Variants in LILRB5 observed in about 807,000 individuals in gnomAD.
The protein encoded by LILRB5 is leukocyte immunoglobulin like receptor B5, also known as leukocyte immunoglobulin-like receptor subfamily B member 5.
LILRB5 carries 61 observed loss-of-function variants against 68.4 expected under a neutral mutation model. That is an observed-to-expected ratio of 0.89 (90% confidence interval 0.73 to 1.10). The LOEUF (loss-of-function observed/expected upper bound fraction) is 1.10. LILRB5 is among the 50% of genes least tolerant of loss of function. LILRB5 has a pLI of 0.00. For synonymous variants in LILRB5, 356 were observed against 315.8 expected, an observed-to-expected ratio of 1.13 and a Z score of -1.35; for missense variants, 771 against 751.6, an observed-to-expected ratio of 1.03 and a Z score of -0.30.
At chr19:54,253,898 G>T in intron 8 of LILRB5, 120 bp downstream of exon 8, 2 of 1,537,574 alleles carry the variant, frequency 1.3e-6, no homozygotes, top group Non-Finnish European at 1.8e-6. Flanking sequence ...AGAAACTGAG[G>T]CCCAGGCAGG....
chr19:54,256,343 C>A lies in LILRB5; in HGVS notation c.356-1G>T. 3.7e-6 allele frequency: 6 copies of A among 1,600,724 alleles called. No individual in the cohort carries two copies. Among genetic ancestry groups the A allele is most frequent in the Admixed American group, 1.7e-5 (1 of 58,702 alleles). On this transcript the variant is annotated splice_acceptor_variant, in intron 3 of 12. Coordinates refer to ENST00000449561, the MANE Select transcript of LILRB5 (RefSeq NM_001081442.3). LOFTEE classifies it high-confidence loss of function. ...AAAAGAGTGGGTTCTGCATAGAATC[C>A]TAGCAGAGAAGGAGGCACGTCTTAA...
At position 54,256,721 on chromosome 19, in the gene LILRB5, C is replaced by T. The variant is rs1351622787; in HGVS notation, c.123G>A (p.Arg41=). ...GACACCAGAGGGTCACGGGCTTCCCCCGAGCTATCACAGAGGCTGGCTCAG... is the reference window on the plus strand; with the variant it reads ...GACACCAGAGGGTCACGGGCTTCCCTCGAGCTATCACAGAGGCTGGCTCAG... ...LWAEPASVIA[R]GKPVTLWCQG... is the part of the protein sequence containing the mutation. The change falls in exon 3 of 13, where the codon CGG becomes CGA. Residue 41 remains arginine, a synonymous_variant. Transcript: ENST00000449561. 3 of 1,614,160 alleles carry T rather than the reference C, an allele frequency of 1.9e-6. No individual in the cohort carries two copies. The highest frequency in any genetic ancestry group is 2.5e-6 in the Non-Finnish European group (3 of 1,180,014).
In LILRB5 at chr19:54,254,772, C is replaced by T. The variant is rs928510974; in HGVS notation, c.1218G>A (p.Leu406=). The T allele has an allele frequency of 1.2e-6, 2 of 1,614,126 alleles. No homozygotes were observed. The highest frequency in any genetic ancestry group is 1.7e-6 in the Non-Finnish European group (2 of 1,179,996). Residue 406 remains leucine (L), a synonymous_variant, in exon 6 of 13, where the codon CTG becomes CTA. Coordinates refer to ENST00000449561, the MANE Select transcript of LILRB5 (RefSeq NM_001081442.3). ...GCTCCTGGGGGTAACTAGGGCTGGA[C>T]AGCAGGTAGGGGTAGGACCTGATTG... is the stretch of plus-strand genomic sequence containing the variant. ...YSAIRSYPYL[L]SSPSYPQELV...
chr19:54,251,071 A>G lies in LILRB5; in HGVS notation c.1630-139T>C, dbSNP rs749776011. The G allele has an allele frequency of 4.0e-4, 609 of 1,541,542 alleles. 1 individual carries two copies. Among genetic ancestry groups the G allele is most frequent in the Admixed American group, 1.9e-3 (115 of 59,258 alleles). ...TGTCCTTTGTGTCCAGGAATTCCCC[A>G]GACAGTGGGGAAGGAGGAGAGGCCA... On this transcript the variant is annotated intron_variant, in intron 12 of 12. Coordinates refer to ENST00000449561, the MANE Select transcript of LILRB5 (RefSeq NM_001081442.3).
Position 54,254,992 on chromosome 19 carries a change from T to C in LILRB5, c.998A>G (p.Lys333Arg), listed in dbSNP as rs202075358. Residue 333 changes from lysine to arginine, a missense_variant, in exon 6 of 13, where the codon AAG becomes AGG. Lys to Arg is a conservative substitution (Grantham distance 26). Transcript: ENST00000449561. ...GGTCACGTTCTCTCCTGAGGCCACC[T>C]TGGGGCCCGGCTGCACCGAGAGGGC... ...IPALSVQPGP[K>R]VASGENVTLL... is the part of the protein sequence containing the mutation. 2.7e-5 allele frequency: 43 copies of C among 1,612,352 alleles called. No individual in the cohort carries two copies. In the East Asian group the frequency reaches 9.2e-4, roughly 34 times the overall value.
intron 6 of LILRB5, 146 bp from the exon 7 acceptor site, chr19:54,254,561 T>G: frequency 8.0e-7 from 1 of 1,255,038 alleles, no homozygotes; most frequent in South Asian, 1.4e-5. Context: ...AGTGTGGGCA[T>G]GCCTGGGGAG....
Position 54,256,559 on chromosome 19 carries a change from T to A in LILRB5, c.285A>T (p.Arg95=). The change falls in exon 3 of 13, where the codon CGA becomes CGT. Residue 95 remains arginine (R), a synonymous_variant. Transcript: ENST00000449561. Reference sequence around the variant, plus strand: ...CAGGGGTCTCATAGTAGCAGCGGTATCGCCCTGCACTGTCATACACCGTGG... The same window carrying A: ...CAGGGGTCTCATAGTAGCAGCGGTAACGCCCTGCACTGTCATACACCGTGG... ...IPSTVYDSAG[R]YRCYYETPAG... 6.2e-7 allele frequency: 1 copy of A among 1,614,136 alleles called. No individual in the cohort carries two copies. Among genetic ancestry groups the A allele is most frequent in the Non-Finnish European group, 8.5e-7 (1 of 1,179,994 alleles).
chr19:54,253,291 C>T, intron 8 of LILRB5: 1 of 214,654 alleles, frequency 4.7e-6, no homozygotes, highest in South Asian at 6.1e-5. Context: ...ACAGGAGGGG[C>T]CTGTCCTAGT....
Position 54,257,194 on chromosome 19 carries a change from G to A in LILRB5, c.-1C>T. On this transcript the variant is annotated 5_prime_UTR_variant, in exon 1 of 13. Transcript: ENST00000449561. ...TCAGGACTGAGAGGGTGAGGGTCATGGCGTCAGCTCCCACTGGACTCAGCT... is the reference window on the plus strand; with the variant it reads ...TCAGGACTGAGAGGGTGAGGGTCATAGCGTCAGCTCCCACTGGACTCAGCT... 6.2e-7 allele frequency: 1 copy of A among 1,614,210 alleles called. No homozygotes were observed. The highest frequency in any genetic ancestry group is 8.5e-7 in the Non-Finnish European group (1 of 1,180,026).
At chr19:54,253,691 T>C (rs2079030091) in intron 8 of LILRB5, 2 of 823,278 alleles carry the variant, frequency 2.4e-6, no homozygotes, top group African/African-American at 1.7e-5. Flanking sequence ...AGCTGGGAAG[T>C]GAACCCAGGA....
intron 8 of LILRB5, chr19:54,253,573 G>A (rs1259986727): frequency 1.2e-5 from 5 of 400,668 alleles, no homozygotes; most frequent in African/African-American, 4.2e-5. Flanking sequence ...TTTTGCTTAC[G>A]CCTCGCAGCA....
rs1361027914 is a variant in LILRB5 at position 54,255,227 on chromosome 19, T to TC, written c.952+58dup. On this transcript the variant is annotated intron_variant, in intron 5 of 12. Coordinates refer to ENST00000449561, the MANE Select transcript of LILRB5 (RefSeq NM_001081442.3). Reference sequence around the variant, plus strand: ...TCATCCCGGCCATCACTAATTGGATTCCCCCGGCAGGACCTGTGCAGAGCC... The same window carrying TC: ...TCATCCCGGCCATCACTAATTGGATTCCCCCCGGCAGGACCTGTGCAGAGCC... The TC allele has an allele frequency of 3.8e-6, 6 of 1,580,692 alleles. No individual in the cohort carries two copies. In the African/African-American group the frequency reaches 8.1e-5, roughly 21 times the overall value.
In LILRB5 at chr19:54,249,625, G is replaced by A. The variant is rs918596090; in HGVS notation, c.*1161C>T. 8.5e-5 allele frequency: 13 copies of A among 152,292 alleles called. No homozygotes were observed. In the East Asian group the frequency reaches 1.5e-3, roughly 18 times the overall value. The allele number at this position is 152,292 out of a possible 1,614,324, so 9.4% of individuals were successfully genotyped here. On this transcript the variant is annotated 3_prime_UTR_variant, in exon 13 of 13. Coordinates refer to ENST00000449561, the MANE Select transcript of LILRB5 (RefSeq NM_001081442.3). ...GGGGAATGTCCTATCTATTGTAGGC[G>A]TCAGAAAGAAGGAAGAGAAAACGAT...
rs973939057 is a variant in LILRB5, at chr19:54,255,379, G to A, written c.859C>T (p.Arg287Cys). The change falls in exon 5 of 13, where the codon CGC becomes TGC. Residue 287 changes from arginine to cysteine, a missense_variant. Coordinates refer to ENST00000449561, the MANE Select transcript of LILRB5 (RefSeq NM_001081442.3). Reference sequence around the variant, plus strand: ...CATCTGTACTGGCCCCCGTGGGAGCGGCTCACAGGGCCCAGGGTGAAGTTG... The same window carrying A: ...CATCTGTACTGGCCCCCGTGGGAGCAGCTCACAGGGCCCAGGGTGAAGTTG... Reference protein sequence around the residue: ...QANFTLGPVSRSHGGQYRCYG... With the variant: ...QANFTLGPVSCSHGGQYRCYG... 14 of 1,613,972 alleles carry A rather than the reference G, an allele frequency of 8.7e-6. No homozygotes were observed. The highest frequency in any genetic ancestry group is 1.6e-4 in the Middle Eastern group (1 of 6,084).
chr19:54,256,566 G>T lies in LILRB5; in HGVS notation c.278C>A (p.Ala93Glu). The change falls in exon 3 of 13, where the codon GCA becomes GAA. Residue 93 changes from alanine (A) to glutamate (E), a missense_variant. Ala to Glu is a moderately radical substitution (Grantham distance 107, BLOSUM62 -1). Coordinates refer to ENST00000449561, the MANE Select transcript of LILRB5 (RefSeq NM_001081442.3). ...CTCATAGTAGCAGCGGTATCGCCCT[G>T]CACTGTCATACACCGTGGATGGAAT... ...FHIPSTVYDS[A>E]GRYRCYYETP... The T allele has an allele frequency of 6.2e-7, 1 of 1,614,154 alleles. No individual in the cohort carries two copies. Among genetic ancestry groups the T allele is most frequent in the African/African-American group, 1.3e-5 (1 of 75,036 alleles).
intron 4 of LILRB5, 27 bp downstream of exon 4, chr19:54,256,016 T>C: frequency 6.6e-7 from 1 of 1,510,714 alleles, no homozygotes; most frequent in Non-Finnish European, 8.8e-7. Flanking sequence ...CCCAAAATTA[T>C]ATAAAGAAGT....
In LILRB5 at chr19:54,254,069, C is replaced by G; in HGVS notation, c.1307-1G>C. On this transcript the variant is annotated splice_acceptor_variant, in intron 7 of 12. Transcript: ENST00000449561. LOFTEE classifies it high-confidence loss of function. ...GTGAGGGGCTGGTCCTCAGGGCCTG[C>G]TGGGTCAGGACGGGGAGGTGAGGGC... is the stretch of plus-strand genomic sequence containing the variant. 1 of 1,597,644 alleles carries G rather than the reference C, an allele frequency of 6.3e-7. No individual in the cohort carries two copies. The highest frequency in any genetic ancestry group is 8.5e-7 in the Non-Finnish European group (1 of 1,172,038).
intron 11 of LILRB5, 111 bp from the exon 12 acceptor site, chr19:54,252,217 T>C: frequency 6.9e-7 from 1 of 1,444,326 alleles, no homozygotes; most frequent in Admixed American, 1.7e-5. Flanking sequence ...AGGGAGGGAC[T>C]GTGATGTCCC....
At position 54,254,966 on chromosome 19, in the gene LILRB5, G is replaced by A; in HGVS notation, c.1024C>T (p.Leu342=). 6.2e-7 allele frequency: 1 copy of A among 1,614,054 alleles called. No individual in the cohort carries two copies. Among genetic ancestry groups the A allele is most frequent in the Non-Finnish European group, 8.5e-7 (1 of 1,179,972 alleles). Residue 342 remains leucine, a synonymous_variant, in exon 6 of 13, where the codon CTG becomes TTG. Transcript: ENST00000449561. The stretch of plus-strand genomic sequence containing the variant: ...ATCTGATGCCATGACTGACACAGCA[G>A]GGTCACGTTCTCTCCTGAGGCCACC... ...PKVASGENVT[L]LCQSWHQIDT...
Sources: allele counts gnomAD v4.1 joint callset, GRCh38; gene constraint gnomAD v4.1.1; transcripts MANE v1.5; gene names NCBI Gene and HGNC (gene_info 2026-07-23, HGNC 2026-07-21).